Variants in DDX60 observed in about 807,000 individuals in gnomAD.
DDX60 encodes DExD/H-box helicase 60.
In DDX60, 165 loss-of-function variants were observed where a neutral mutation model predicts 212.8. The observed-to-expected ratio is 0.78, with a 90% CI of 0.68 to 0.88. The LOEUF is 0.88. Among genes scored for constraint, DDX60 ranks in the 40% least tolerant of loss-of-function variants. The probability of loss-of-function intolerance (pLI) is 0.00; values close to 1 mark genes in which losing one functional copy is unlikely to be tolerated. For synonymous variants in DDX60, 703 were observed against 685.3 expected (o/e 1.03, Z -0.40); for missense variants, 1,905 against 2,003.9 (o/e 0.95, Z 0.94).
At chr4:168,228,721 T>C (rs1733343125) in intron 33 of DDX60, among the ~76,000 whole-genome samples, 1 of 152,140 alleles carries the variant, frequency 6.6e-6, no homozygotes, top group South Asian at 2.1e-4. Flanking sequence ...TTCCTTTATA[T>C]GTAATCACAC....
chr4:168,239,928 CCT>C (rs2149498267), intron 30 of DDX60, among the ~76,000 whole-genome samples: 1 of 152,034 alleles, frequency 6.6e-6, no homozygotes, highest in South Asian at 2.1e-4. Flanking sequence ...ACTTATATGC[CCT>C]CTCTCACCAC....
At chr4:168,277,622 C>T (rs961026163) in intron 14 of DDX60, among the ~76,000 whole-genome samples, 6 of 151,604 alleles carry the variant, frequency 4.0e-5, no homozygotes, top group African/African-American at 1.2e-4. Flanking sequence ...CAGATCACAA[C>T]GTCAGGAGAT....
intron 7 of DDX60, among the ~76,000 whole-genome samples, chr4:168,292,970 T>C (rs926742497): frequency 2.6e-5 from 4 of 152,250 alleles, no homozygotes; most frequent in Admixed American, 1.3e-4. Context: ...AAGTAAAAGA[T>C]AATGAGCCCT....
chr4:168,297,223 A>T (rs1736386062), intron 6 of DDX60, among the ~76,000 whole-genome samples: 1 of 151,516 alleles, frequency 6.6e-6, no homozygotes, highest in South Asian at 2.1e-4. Flanking sequence ...AATGATCTTT[A>T]TTCAGCAACT....
intron 30 of DDX60, among the ~76,000 whole-genome samples, chr4:168,242,052 G>A (rs1242294356): frequency 6.6e-6 from 1 of 152,184 alleles, no homozygotes; most frequent in African/African-American, 2.4e-5. Flanking sequence ...TCAGAGGGTG[G>A]AAGCCCCAAG....
At chr4:168,279,362 C>A (rs1392980743) in intron 14 of DDX60, among the ~76,000 whole-genome samples, 1 of 152,218 alleles carries the variant, frequency 6.6e-6, no homozygotes, top group Non-Finnish European at 1.5e-5. Context: ...TTTTTACCTC[C>A]AAATACAAAC....
At chr4:168,315,286 G>A (rs1419124863) in intron 1 of DDX60, among the ~76,000 whole-genome samples, 5 of 152,074 alleles carry the variant, frequency 3.3e-5, no homozygotes, top group Non-Finnish European at 7.4e-5. Context: ...ATAAAATAAA[G>A]CACTTTCAGA....
intron 1 of DDX60, among the ~76,000 whole-genome samples, 163 bp downstream of exon 1, chr4:168,318,459 C>A (rs1197030434): frequency 1.3e-5 from 2 of 152,238 alleles, no homozygotes; most frequent in East Asian, 3.9e-4. Flanking sequence ...GCAGGGGGCC[C>A]GTGCGCCACG....
intron 30 of DDX60, 53 bp from the exon 31 acceptor site, chr4:168,237,848 G>T: frequency 7.7e-7 from 1 of 1,298,970 alleles, no homozygotes; most frequent in Non-Finnish European, 1.1e-6. Context: ...TACGAAATAC[G>T]TTTGAAAATG....
intron 5 of DDX60, among the ~76,000 whole-genome samples, chr4:168,305,161 C>G (rs1341149927): frequency 2.0e-5 from 3 of 152,168 alleles, no homozygotes; most frequent in African/African-American, 7.2e-5. Flanking sequence ...GAACAGTAGG[C>G]TACATCAGAT....
At chr4:168,264,491 C>T (rs1326676822) in intron 22 of DDX60, among the ~76,000 whole-genome samples, 3 of 152,078 alleles carry the variant, frequency 2.0e-5, no homozygotes, top group Admixed American at 2.0e-4. Context: ...TAAAAACATA[C>T]AATAAATCCA....
At chr4:168,263,205 C>T (rs1055672834) in intron 22 of DDX60, among the ~76,000 whole-genome samples, 17 of 152,060 alleles carry the variant, frequency 1.1e-4, no homozygotes, top group South Asian at 1.0e-3. Flanking sequence ...ATGGGAAAAT[C>T]TTATTTGCTT....
intron 6 of DDX60, among the ~76,000 whole-genome samples, chr4:168,295,884 T>A (rs1251921264): frequency 6.6e-6 from 1 of 152,172 alleles, no homozygotes; most frequent in Non-Finnish European, 1.5e-5. Flanking sequence ...GAGGATATTA[T>A]GCTAGGTGAA....
At chr4:168,220,271 C>T (rs572566194) in intron 37 of DDX60, among the ~76,000 whole-genome samples, 1 of 152,106 alleles carries the variant, frequency 6.6e-6, no homozygotes, top group Admixed American at 6.6e-5. Context: ...AAACTAGAGA[C>T]CGGATGGAAC....
At position 168,251,006 on chromosome 4, in the gene DDX60, C is replaced by T. The variant is rs146324551; in HGVS notation, c.3806G>A (p.Ser1269Asn). The change falls in exon 28 of 38, where the codon AGT becomes AAT. Residue 1269 changes from serine (S) to asparagine (N), a missense_variant. Ser to Asn is a conservative substitution (Grantham distance 46). Transcript: ENST00000393743. ...RGIGYHHSAMSFKEKQLVEIL... is the reference protein window; with the variant it reads ...RGIGYHHSAMNFKEKQLVEIL... ...TTCAACTAATTGTTTTTCTTTGAAACTCATAGCACTGTGATGATATCCAAT... is the reference window on the plus strand; with the variant it reads ...TTCAACTAATTGTTTTTCTTTGAAATTCATAGCACTGTGATGATATCCAAT... 5.7e-4 allele frequency: 917 copies of T among 1,609,922 alleles called. 2 individuals carry two copies. The African/African-American group carries it at 7.3e-3, about 13-fold the overall frequency.
Position 168,291,843 on chromosome 4 carries a change from C to A in DDX60, c.946G>T (p.Val316Leu). Residue 316 changes from valine to leucine, a missense_variant, in exon 8 of 38, where the codon GTG (valine) becomes TTG (leucine). Coordinates refer to ENST00000393743, the MANE Select transcript of DDX60 (RefSeq NM_017631.6). ...EDLCKLHCLT[V>L]VFLLHLPLSQ... ...AGAGGCAGATGGAGTAGAAAAACCACAGTGAGACAATGCAGTTTACACAAA... is the reference window on the plus strand; with the variant it reads ...AGAGGCAGATGGAGTAGAAAAACCAAAGTGAGACAATGCAGTTTACACAAA... 5.0e-6 allele frequency: 8 copies of A among 1,613,758 alleles called. No individual in the cohort carries two copies. The highest frequency in any genetic ancestry group is 5.9e-6 in the Non-Finnish European group (7 of 1,179,800).
intron 7 of DDX60, 25 bp downstream of exon 7, chr4:168,293,762 C>T: frequency 6.4e-7 from 1 of 1,558,240 alleles, no homozygotes; most frequent in Non-Finnish European, 8.7e-7. Context: ...AATAGTATTT[C>T]TCAGTAAAGT....
chr4:168,284,556 A>G (rs1176325311), intron 12 of DDX60, among the ~76,000 whole-genome samples: 2 of 152,204 alleles, frequency 1.3e-5, no homozygotes, highest in Admixed American at 1.3e-4. Flanking sequence ...GAATACATAC[A>G]TTGCTTAAAC....
At chr4:168,258,576 T>C (rs1734505874) in intron 25 of DDX60, among the ~76,000 whole-genome samples, 2 of 152,230 alleles carry the variant, frequency 1.3e-5, no homozygotes, top group African/African-American at 4.8e-5. Flanking sequence ...ATACCAAGGA[T>C]GTTCACAGTT....
Sources: allele counts gnomAD v4.1 joint callset (sites outside exome capture counted in the v4.1 genomes callset), GRCh38; gene constraint gnomAD v4.1.1; transcripts MANE v1.5; gene names NCBI Gene and HGNC (gene_info 2026-07-23, HGNC 2026-07-21).